COL26A1: variants seen among roughly 807,000 people sequenced by gnomAD.
COL26A1 encodes collagen type XXVI alpha 1 chain, also known as collagen alpha-1(XXVI) chain.
COL26A1 carries 41 observed loss-of-function variants against 59.3 expected under a neutral mutation model. That is an observed-to-expected ratio of 0.69 (90% CI 0.54 to 0.90). COL26A1 has a LOEUF of 0.90. COL26A1 is among the 40% of genes least tolerant of loss of function. The pLI, the probability that COL26A1 is intolerant of heterozygous loss-of-function variation, is 0.00. For synonymous variants in COL26A1, 266 were observed against 256.0 expected (o/e 1.04, Z -0.37); for missense variants, 612 against 602.3 (o/e 1.02, Z -0.17).
chr7:101,440,108 G>A (rs1418982167), intron 2 of COL26A1, among the ~76,000 whole-genome samples: 1 of 152,212 alleles, frequency 6.6e-6, no homozygotes. Context: ...GCTCACGCCT[G>A]TAATCCCAGC....
intron 1 of COL26A1, among the ~76,000 whole-genome samples, chr7:101,367,863 C>CA (rs1272472359): frequency 6.6e-6 from 1 of 152,120 alleles, no homozygotes; most frequent in African/African-American, 2.4e-5. Context: ...CTACTTAAGC[C>CA]ATTCAGTCTG....
chr7:101,440,302 G>T (rs549513101), intron 2 of COL26A1, among the ~76,000 whole-genome samples: 1 of 117,254 alleles, frequency 8.5e-6, no homozygotes, highest in Non-Finnish European at 2.1e-5. Flanking sequence ...GGAGGTGAAG[G>T]CTGCAGGGAG....
intron 11 of COL26A1, 83 bp from the exon 12 acceptor site, chr7:101,555,704 A>G (rs1300764426): frequency 5.2e-6 from 5 of 956,996 alleles, no homozygotes; most frequent in Non-Finnish European, 6.4e-6. Context: ...GGCTTTGAGG[A>G]CACATACACT....
intron 3 of COL26A1, among the ~76,000 whole-genome samples, chr7:101,527,733 C>A (rs1040657453): frequency 2.6e-5 from 4 of 152,004 alleles, no homozygotes; most frequent in African/African-American, 7.3e-5. Context: ...AAAGGTTTAC[C>A]CCGCTGGTTT....
intron 8 of COL26A1, among the ~76,000 whole-genome samples, chr7:101,548,150 C>T (rs1180405760): frequency 6.6e-6 from 1 of 152,140 alleles, no homozygotes; most frequent in Admixed American, 6.5e-5. Context: ...CATGCCAGGT[C>T]TCTGGAGAAC....
chr7:101,389,633 G>A (rs1791675302), intron 1 of COL26A1, among the ~76,000 whole-genome samples: 1 of 151,966 alleles, frequency 6.6e-6, no homozygotes, highest in Non-Finnish European at 1.5e-5. Flanking sequence ...TTGGCTCACG[G>A]CAACCTCTGC....
intron 1 of COL26A1, among the ~76,000 whole-genome samples, chr7:101,374,617 T>C (rs1791266259): frequency 1.3e-5 from 2 of 152,212 alleles, no homozygotes; most frequent in Non-Finnish European, 2.9e-5. Flanking sequence ...GAGAATCTGA[T>C]GTCTGATGAT....
intron 1 of COL26A1, among the ~76,000 whole-genome samples, chr7:101,385,226 AC>A (rs1454952605): frequency 1.5e-5 from 1 of 64,852 alleles, no homozygotes; most frequent in Non-Finnish European, 4.4e-5. Context: ...ACACACACAC[AC>A]ACACTATATA....
intron 3 of COL26A1, among the ~76,000 whole-genome samples, chr7:101,512,576 C>A (rs775846544): frequency 6.6e-6 from 1 of 152,126 alleles, no homozygotes; most frequent in African/African-American, 2.4e-5. Context: ...GAGCTATGAT[C>A]GTGCCACTGC....
In COL26A1 at chr7:101,372,688, G is replaced by A. The variant is rs1381629921; in HGVS notation, c.158+9498G>A. Among the ~76,000 whole-genome samples, 8 of 152,096 alleles carry A rather than the reference G, an allele frequency of 5.3e-5. No homozygotes were observed. The South Asian group carries it at 8.3e-4, about 16-fold the overall frequency. On this transcript the variant is annotated intron_variant, in intron 1 of 12. Coordinates refer to ENST00000313669, the MANE Select transcript of COL26A1 (RefSeq NM_001278563.3). ...AGCTATTGCCTGACATATAGTTAGTGGGACTGAGTTCAGAGTGGCTGGACT... is the reference window on the plus strand; with the variant it reads ...AGCTATTGCCTGACATATAGTTAGTAGGACTGAGTTCAGAGTGGCTGGACT...
chr7:101,551,036 G>A (rs886953344), intron 9 of COL26A1, 72 bp from the exon 10 acceptor site: 3 of 1,464,848 alleles, frequency 2.0e-6, no homozygotes, highest in Middle Eastern at 3.4e-4. Flanking sequence ...GGCGGGGAGG[G>A]GGGTGGCCAG....
At chr7:101,463,771 T>TTCTTTCTTTCTTTCTTTCTCTC (rs1793679219) in intron 3 of COL26A1, among the ~76,000 whole-genome samples, 3 of 81,700 alleles carry the variant, frequency 3.7e-5, no homozygotes, top group Non-Finnish European at 4.4e-5. Context: ...TTTTCCTTCC[T>TTCTTTCTTTCTTTCTTTCTCTC]TCTTTCTTTC....
chr7:101,521,900 C>G (rs1046443812), intron 3 of COL26A1, among the ~76,000 whole-genome samples: 2 of 152,088 alleles, frequency 1.3e-5, no homozygotes, highest in Admixed American at 1.3e-4. Context: ...GTCTGTCCGC[C>G]TTCACCTGAC....
intron 5 of COL26A1, among the ~76,000 whole-genome samples, chr7:101,541,079 G>A (rs1467231184): frequency 6.6e-6 from 1 of 152,214 alleles, no homozygotes; most frequent in African/African-American, 2.4e-5. Flanking sequence ...TCCAGTCCAG[G>A]CTGTGCAGTT....
rs529589207 is a variant in COL26A1, at chr7:101,543,161, T to A, written c.605-837T>A. ...CTAAGACTCAGTGCAGGTCCCTTCA[T>A]CAGATCAGCAAACTTTTTTTTTTTT... On this transcript the variant is annotated intron_variant, in intron 5 of 12. Transcript: ENST00000313669. Among the ~76,000 whole-genome samples, 29 of 145,546 alleles carry A rather than the reference T, an allele frequency of 2.0e-4. No homozygotes were observed. The South Asian group carries it at 5.1e-3, about 26-fold the overall frequency.
intron 3 of COL26A1, among the ~76,000 whole-genome samples, chr7:101,504,718 G>A (rs1259925193): frequency 2.6e-5 from 4 of 152,184 alleles, no homozygotes; most frequent in African/African-American, 9.7e-5. Context: ...TCGTCCACAC[G>A]ATGCTGCTGA....
At chr7:101,441,967 C>A (rs1793069176) in intron 2 of COL26A1, among the ~76,000 whole-genome samples, 1 of 152,150 alleles carries the variant, frequency 6.6e-6, no homozygotes, top group Non-Finnish European at 1.5e-5. Context: ...GTTTAGGTAC[C>A]TGTGCAATGT....
At chr7:101,540,231 GT>G (rs1469916313) in intron 5 of COL26A1, among the ~76,000 whole-genome samples, 182 bp downstream of exon 5, 1 of 152,186 alleles carries the variant, frequency 6.6e-6, no homozygotes, top group Non-Finnish European at 1.5e-5. Context: ...AGGATTTCTA[GT>G]TTCTCTTAAG....
At chr7:101,386,266 T>TGTTG (rs1269568623) in intron 1 of COL26A1, among the ~76,000 whole-genome samples, 1 of 145,940 alleles carries the variant, frequency 6.9e-6, no homozygotes, top group African/African-American at 2.6e-5. Flanking sequence ...TGTTTTTTTT[T>TGTTG]TTTTTTTTTT....
Sources: gnomAD v4.1 joint callset for allele counts (sites outside exome capture counted in the v4.1 genomes callset) on GRCh38, gnomAD v4.1.1 for gene constraint, MANE v1.5 for transcripts, NCBI Gene and HGNC (gene_info 2026-07-23, HGNC 2026-07-21) for gene names.